Variants in OSBPL9 observed in about 807,000 individuals in gnomAD.
OSBPL9 encodes oxysterol-binding protein-related protein 9.
Under a neutral mutation model 106.6 loss-of-function variants are expected in OSBPL9, and 40 were observed. The ratio of observed to expected loss-of-function variants is 0.38; its 90% CI spans 0.29 to 0.49. The LOEUF (loss-of-function observed/expected upper bound fraction) is 0.49. Among genes scored for constraint, OSBPL9 ranks in the 20% least tolerant of loss-of-function variants. The pLI, the probability that OSBPL9 is intolerant of heterozygous loss-of-function variation, is 0.97. For missense variants in OSBPL9, 609 were observed against 887.2 expected (o/e 0.69, Z 3.98); for synonymous variants, 269 against 295.4 (o/e 0.91, Z 0.92).
In OSBPL9 at chr1:51,788,617, G is replaced by A. The variant is rs1678264593; in HGVS notation, c.*828G>A. The A allele has an allele frequency of 6.5e-6, 1 of 152,712 alleles. No individual in the cohort carries two copies. The highest frequency in any genetic ancestry group is 2.4e-5 in the African/African-American group (1 of 41,424). The allele number at this position is 152,712 out of a possible 1,614,324, so 9.5% of individuals were successfully genotyped here. ...TGTCAGATTGTATGTTCTGTCTTTA[G>A]CCCCTGCCAGGCAATTCCCCAGAAT... On this transcript the variant is annotated 3_prime_UTR_variant, in exon 24 of 24. Coordinates refer to ENST00000428468, the MANE Select transcript of OSBPL9 (RefSeq NM_024586.6).
intron 4 of OSBPL9, among the ~76,000 whole-genome samples, chr1:51,737,826 C>T (rs1666039702): frequency 6.6e-6 from 1 of 151,946 alleles, no homozygotes; most frequent in Non-Finnish European, 1.5e-5. Flanking sequence ...TCATCTGAGG[C>T]AATTTTATAT....
intron 2 of OSBPL9, among the ~76,000 whole-genome samples, chr1:51,662,962 T>C (rs1407946194): frequency 6.6e-6 from 1 of 152,062 alleles, no homozygotes; most frequent in Non-Finnish European, 1.5e-5. Flanking sequence ...GCCAGGATGG[T>C]CTTGATCACC....
Position 51,758,434 on chromosome 1 carries a change from A to AC in OSBPL9, c.582+2076_582+2077insC, listed in dbSNP as rs1324602295. ...AATCTCCTATTTTCAGAAAAAAAAA[A>AC]AAAAACCTGGTCTATTTTGGGATCC... On this transcript the variant is annotated intron_variant, in intron 9 of 23. Coordinates refer to ENST00000428468, the MANE Select transcript of OSBPL9 (RefSeq NM_024586.6). 3.3e-5 allele frequency among the ~76,000 whole-genome samples: 5 copies of AC among 151,678 alleles called. No homozygotes were observed. In the East Asian group the frequency reaches 9.6e-4, roughly 29 times the overall value.
intron 2 of OSBPL9, among the ~76,000 whole-genome samples, chr1:51,662,719 A>G (rs1439870775): frequency 6.6e-6 from 1 of 151,880 alleles, no homozygotes; most frequent in Admixed American, 6.6e-5. Flanking sequence ...GCAGATACAA[A>G]GTCATTATAT....
chr1:51,580,914 A>G (rs1337798837), intron 1 of OSBPL9, among the ~76,000 whole-genome samples: 9 of 236 alleles, frequency 0.038, 1 homozygote, highest in African/African-American at 0.15. Flanking sequence ...ATATATATAT[A>G]TATATATATA....
At chr1:51,607,536 TACTG>T (rs1643957831) in intron 2 of OSBPL9, among the ~76,000 whole-genome samples, 1 of 152,208 alleles carries the variant, frequency 6.6e-6, no homozygotes, top group South Asian at 2.1e-4. Flanking sequence ...ATTGGAATCA[TACTG>T]TGTGTGTATA....
intron 20 of OSBPL9, 173 bp from the exon 21 acceptor site, chr1:51,785,635 A>G (rs1677427493): frequency 3.5e-6 from 2 of 578,490 alleles, no homozygotes; most frequent in South Asian, 4.3e-5. Context: ...CGTCCTGTTG[A>G]AGGCCCTCAT....
chr1:51,555,438 T>C, the OSBPL9 span, among the ~76,000 whole-genome samples: 1 of 151,460 alleles, frequency 6.6e-6, no homozygotes, highest in Non-Finnish European at 1.5e-5. Flanking sequence ...TGCAGTGAGC[T>C]GAGATAGCGC....
At chr1:51,585,114 C>T (rs1347166374) in intron 1 of OSBPL9, among the ~76,000 whole-genome samples, 1 of 151,646 alleles carries the variant, frequency 6.6e-6, no homozygotes, top group Non-Finnish European at 1.5e-5. Flanking sequence ...TTCGAGGCTG[C>T]CATAAGCTAT....
In OSBPL9 at chr1:51,774,479, G is replaced by GAAAA; in HGVS notation, c.1170+1756_1170+1757insAAAA. Among the ~76,000 whole-genome samples, 5 of 152,152 alleles carry GAAAA rather than the reference G, an allele frequency of 3.3e-5. 1 individual carries two copies. The South Asian group carries it at 1.0e-3, about 32-fold the overall frequency. ...ATTGTTACAATAATGCCTTAAATTT[G>GAAAA]TGTCTTTTATAAGAATGTTTTCTCA... is the stretch of plus-strand genomic sequence containing the variant. On this transcript the variant is annotated intron_variant, in intron 14 of 23. Transcript: ENST00000428468.
chr1:51,756,225 A>G, intron 8 of OSBPL9, 95 bp from the exon 9 acceptor site: 3 of 998,374 alleles, frequency 3.0e-6, no homozygotes, highest in Non-Finnish European at 4.7e-6. Flanking sequence ...TAACATTATT[A>G]CTTACCTAGT....
chr1:51,663,200 A>G (rs1647508698), intron 2 of OSBPL9, among the ~76,000 whole-genome samples: 1 of 152,230 alleles, frequency 6.6e-6, no homozygotes, highest in African/African-American at 2.4e-5. Context: ...ATAAAACATT[A>G]TTGAAATTTA....
chr1:51,692,448 T>C (rs963254062), intron 3 of OSBPL9, among the ~76,000 whole-genome samples: 1 of 152,230 alleles, frequency 6.6e-6, no homozygotes, highest in African/African-American at 2.4e-5. Flanking sequence ...TTTTTATGAC[T>C]GGCAGAGCAG....
At chr1:51,555,818 G>A in the OSBPL9 span, among the ~76,000 whole-genome samples, 1 of 152,054 alleles carries the variant, frequency 6.6e-6, no homozygotes, top group African/African-American at 2.4e-5. Context: ...TGATCCACCC[G>A]CCTTGGCCTC....
chr1:51,731,561 G>A (rs559674641), intron 4 of OSBPL9, among the ~76,000 whole-genome samples: 111 of 152,314 alleles, frequency 7.3e-4, no homozygotes, highest in Non-Finnish European at 1.3e-3. Context: ...CGGATCTCTT[G>A]AGGTCAGGGG....
intron 4 of OSBPL9, among the ~76,000 whole-genome samples, chr1:51,741,771 A>G (rs1666972238): frequency 6.6e-6 from 1 of 152,044 alleles, no homozygotes; most frequent in Admixed American, 6.6e-5. Flanking sequence ...TTGTTACATC[A>G]CAGACCATTT....
At chr1:51,550,564 G>C in the OSBPL9 span, among the ~76,000 whole-genome samples, 87 of 152,284 alleles carry the variant, frequency 5.7e-4, 3 homozygotes, top group South Asian at 0.018. Flanking sequence ...CCAGGCTGGA[G>C]TGCAGTTGTG....
At chr1:51,591,342 G>A (rs1008055236) in intron 1 of OSBPL9, among the ~76,000 whole-genome samples, 1 of 152,138 alleles carries the variant, frequency 6.6e-6, no homozygotes, top group East Asian at 1.9e-4. Context: ...AAAACACTAG[G>A]ATTACAGGCG....
the OSBPL9 span, among the ~76,000 whole-genome samples, chr1:51,529,339 G>C: frequency 6.6e-6 from 1 of 151,650 alleles, no homozygotes; most frequent in Non-Finnish European, 1.5e-5. Context: ...TCCCAGGTTT[G>C]CCATTCTCCT....
Sources: gnomAD v4.1 joint callset for allele counts (sites outside exome capture counted in the v4.1 genomes callset) on GRCh38, gnomAD v4.1.1 for gene constraint, MANE v1.5 for transcripts, NCBI Gene and HGNC (gene_info 2026-07-23, HGNC 2026-07-21) for gene names.